The following MIGA1 variants were observed in gnomAD, a reference collection of about 807,000 sequenced individuals.
MIGA1 encodes the protein mitoguardin 1.
A neutral mutation model predicts 82.0 loss-of-function variants in MIGA1; 58 were observed. The ratio of observed to expected loss-of-function variants is 0.71; its 90% CI spans 0.57 to 0.88. The LOEUF is 0.88. Among genes scored for constraint, MIGA1 ranks in the 40% least tolerant of loss-of-function variants. The pLI is 0.00. For synonymous variants in MIGA1, 249 were observed against 253.6 expected (o/e 0.98, Z 0.17); for missense variants, 751 against 749.1 (o/e 1.00, Z -0.03).
chr1:77,865,953 G>C (rs1330363170), intron 13 of MIGA1, among the ~76,000 whole-genome samples: 1 of 151,926 alleles, frequency 6.6e-6, no homozygotes, highest in Non-Finnish European at 1.5e-5. Flanking sequence ...TTGCTCTGTC[G>C]CTAGGCTGGA....
chr1:77,798,564 T>C (rs1682753639), intron 2 of MIGA1, among the ~76,000 whole-genome samples: 1 of 152,184 alleles, frequency 6.6e-6, no homozygotes, highest in African/African-American at 2.4e-5. Flanking sequence ...ACTGCCCCTA[T>C]GATTCAATTA....
chr1:77,869,520 C>A (rs1474603262), intron 14 of MIGA1, among the ~76,000 whole-genome samples: 1 of 135,316 alleles, frequency 7.4e-6, no homozygotes, highest in Non-Finnish European at 1.6e-5. Flanking sequence ...TAGGGGCGGC[C>A]GGGCAGAAGC....
intron 6 of MIGA1, among the ~76,000 whole-genome samples, chr1:77,814,268 C>T (rs1683490049): frequency 6.6e-6 from 1 of 152,120 alleles, no homozygotes. Context: ...TTCCTTGGGA[C>T]AATGTGGGGT....
intron 14 of MIGA1, among the ~76,000 whole-genome samples, chr1:77,867,442 T>G (rs1226295464): frequency 6.6e-6 from 1 of 152,190 alleles, no homozygotes; most frequent in Non-Finnish European, 1.5e-5. Context: ...TCTTTCTGCC[T>G]CATCCTCCCT....
chr1:77,847,333 A>G (rs1684881138), intron 8 of MIGA1: 1 of 935,990 alleles, frequency 1.1e-6, no homozygotes, highest in Non-Finnish European at 1.8e-6. Context: ...TATGAATATG[A>G]CAGTATTTAT....
At position 77,851,996 on chromosome 1, in the gene MIGA1, T is replaced by A. The variant is rs543957210; in HGVS notation, c.997-6942T>A. Among the ~76,000 whole-genome samples, 4 of 152,058 alleles carry A rather than the reference T, an allele frequency of 2.6e-5. No individual in the cohort carries two copies. In the East Asian group the frequency reaches 7.7e-4, roughly 29 times the overall value. ...ACCTCCCAGGTTCAAGCAATTCTTC[T>A]GCCTCAGCCTCCCAAGTAGGTGGGA... On this transcript the variant is annotated intron_variant, in intron 8 of 15. Transcript: ENST00000370791.
intron 7 of MIGA1, among the ~76,000 whole-genome samples, chr1:77,826,974 T>A (rs1352947322): frequency 6.7e-6 from 1 of 148,722 alleles, no homozygotes. Context: ...CCAGCTAATT[T>A]TTTTGTATAT....
At chr1:77,869,836 C>CCGGA (rs1685857449) in intron 14 of MIGA1, among the ~76,000 whole-genome samples, 1 of 113,240 alleles carries the variant, frequency 8.8e-6, no homozygotes, top group Non-Finnish European at 1.9e-5. Context: ...CCCTCACCTC[C>CCGGA]CGGACGGGGC....
intron 1 of MIGA1, among the ~76,000 whole-genome samples, 190 bp from the exon 2 acceptor site, chr1:77,783,048 A>C (rs1054890521): frequency 6.6e-6 from 1 of 151,610 alleles, no homozygotes; most frequent in Non-Finnish European, 1.5e-5. Flanking sequence ...TATCTCCTAC[A>C]GGAAGGATAG....
chr1:77,867,794 T>G (rs973832435), intron 14 of MIGA1, among the ~76,000 whole-genome samples: 17 of 152,360 alleles, frequency 1.1e-4, no homozygotes, highest in African/African-American at 3.8e-4. Context: ...TATTGCCAGT[T>G]GCAGTGATTT....
Position 77,874,982 on chromosome 1 carries a change from A to G in MIGA1, c.1817A>G (p.Asp606Gly). The G allele has an allele frequency of 6.2e-7, 1 of 1,614,190 alleles. No homozygotes were observed. The highest frequency in any genetic ancestry group is 8.5e-7 in the Non-Finnish European group (1 of 1,180,024). ...CTTTTAATGGCCTATCTTGAAGCAG[A>G]TGCCCTGAGGCATACAAGTAGTTGT... The change falls in exon 16 of 16, where the codon GAT (aspartate) becomes GGT (glycine). Residue 606 changes from aspartate to glycine, a missense_variant. Asp to Gly is a moderately conservative substitution (Grantham distance 94, BLOSUM62 -1). Transcript: ENST00000370791.
intron 1 of MIGA1, among the ~76,000 whole-genome samples, chr1:77,782,039 G>A (rs1681942996): frequency 6.6e-6 from 1 of 151,680 alleles, no homozygotes; most frequent in Non-Finnish European, 1.5e-5. Context: ...TCCCAGGCTG[G>A]TCTCGAACTC....
At chr1:77,814,400 T>A (rs1457617029) in intron 6 of MIGA1, among the ~76,000 whole-genome samples, 1 of 152,094 alleles carries the variant, frequency 6.6e-6, no homozygotes, top group Non-Finnish European at 1.5e-5. Flanking sequence ...GATTTTTTTT[T>A]AAAGAAATGG....
intron 7 of MIGA1, among the ~76,000 whole-genome samples, chr1:77,819,765 A>AG (rs1683728873): frequency 6.6e-6 from 1 of 151,988 alleles, no homozygotes; most frequent in African/African-American, 2.4e-5. Context: ...TATTTTGGGT[A>AG]GAGGTGAGGT....
At chr1:77,804,484 G>A (rs565050499) in intron 4 of MIGA1, among the ~76,000 whole-genome samples, 1 of 152,230 alleles carries the variant, frequency 6.6e-6, no homozygotes, top group African/African-American at 2.4e-5. Context: ...AGAAGACTGA[G>A]GCAAAATTGC....
At chr1:77,837,579 A>C (rs1432581037) in intron 7 of MIGA1, among the ~76,000 whole-genome samples, 1 of 152,234 alleles carries the variant, frequency 6.6e-6, no homozygotes, top group Admixed American at 6.5e-5. Context: ...TAATATATGT[A>C]AAGCATGTAA....
intron 2 of MIGA1, among the ~76,000 whole-genome samples, chr1:77,785,877 C>T (rs187456983): frequency 7.0e-4 from 107 of 152,246 alleles, no homozygotes; most frequent in Non-Finnish European, 1.3e-3. Context: ...GTCTGGAGGA[C>T]GGTGGCCCTC....
intron 5 of MIGA1, chr1:77,811,607 G>T: frequency 6.2e-7 from 1 of 1,612,176 alleles, no homozygotes; most frequent in Admixed American, 1.7e-5. Context: ...GTTTTCTTTT[G>T]TTCTTCTGTG....
intron 2 of MIGA1, among the ~76,000 whole-genome samples, chr1:77,787,469 C>G (rs1439804648): frequency 6.6e-6 from 1 of 151,694 alleles, no homozygotes; most frequent in Non-Finnish European, 1.5e-5. Flanking sequence ...CTCACTGCAG[C>G]CTCGGCCTCC....
Sources: gnomAD v4.1 joint callset for allele counts (sites outside exome capture counted in the v4.1 genomes callset) on GRCh38, gnomAD v4.1.1 for gene constraint, MANE v1.5 for transcripts, NCBI Gene and HGNC (gene_info 2026-07-23, HGNC 2026-07-21) for gene names.